The following ANKRD17 variants were observed in gnomAD, a reference collection of about 807,000 sequenced individuals.
ANKRD17 encodes the protein ankyrin repeat domain-containing protein 17.
Under a neutral mutation model 229.7 loss-of-function variants are expected in ANKRD17, and 19 were observed. The ratio of observed to expected loss-of-function variants is 0.08; its 90% CI spans 0.06 to 0.12. The LOEUF (loss-of-function observed/expected upper bound fraction) is 0.12. ANKRD17 is among the 10% of genes least tolerant of loss of function. The pLI is 1.00. For missense variants in ANKRD17, 2,176 were observed against 3,176.8 expected (o/e 0.68, Z 7.57); for synonymous variants, 1,112 against 1,146.1 (o/e 0.97, Z 0.60).
intron 1 of ANKRD17, among the ~76,000 whole-genome samples, chr4:73,231,279 G>A (rs777081165): frequency 1.3e-5 from 2 of 152,164 alleles, no homozygotes; most frequent in Admixed American, 6.5e-5. Flanking sequence ...ACAGTTCCAA[G>A]TAACTCAAGA....
At chr4:73,240,806 CTTTTTTTTT>C (rs111961579) in intron 1 of ANKRD17, among the ~76,000 whole-genome samples, 4 of 127,036 alleles carry the variant, frequency 3.1e-5, no homozygotes, top group Non-Finnish European at 5.0e-5. Flanking sequence ...AGTACTTATT[CTTTTTTTTT>C]TTTTTTTTTT....
chr4:73,094,001 G>A (rs961175872), intron 28 of ANKRD17, 78 bp downstream of exon 28: 138 of 1,388,430 alleles, frequency 9.9e-5, no homozygotes, highest in Non-Finnish European at 1.2e-4. Flanking sequence ...AAGTTCCACT[G>A]AAAACTCATA....
chr4:73,130,541 C>G (rs896376265), intron 16 of ANKRD17, among the ~76,000 whole-genome samples: 1 of 151,542 alleles, frequency 6.6e-6, no homozygotes, highest in Non-Finnish European at 1.5e-5. Flanking sequence ...TGATGTCTAC[C>G]CTTCTTTAAA....
Position 73,139,843 on chromosome 4 carries a change from C to T in ANKRD17, c.2773G>A (p.Asp925Asn), listed in dbSNP as rs2148812096. The change falls in exon 15 of 34, where the codon GAC becomes AAC. Residue 925 changes from aspartate to asparagine, a missense_variant. By Grantham distance (23) the Asp-to-Asn change is conservative. This residue lies in a region of ANKRD17 where 230 missense variants were observed against 252.3 expected (regional missense o/e 0.91). Coordinates refer to ENST00000358602, the MANE Select transcript of ANKRD17 (RefSeq NM_032217.5). Reference protein sequence around the residue: ...VGVGEQLSEGDYARLQQVDPV... With the variant: ...VGVGEQLSEGNYARLQQVDPV... ...TCCACTTGCTGTAACCGTGCATAGT[C>T]TCCCTCAGAAAGCTGCTCTCCAACT... The T allele has an allele frequency of 6.2e-7, 1 of 1,614,234 alleles. No homozygotes were observed. The highest frequency in any genetic ancestry group is 8.5e-7 in the Non-Finnish European group (1 of 1,180,040).
At chr4:73,105,255 C>T (rs1724475574) in intron 24 of ANKRD17, among the ~76,000 whole-genome samples, 1 of 151,922 alleles carries the variant, frequency 6.6e-6, no homozygotes, top group Non-Finnish European at 1.5e-5. Flanking sequence ...CATAAGTTTG[C>T]AGGCGGTAGC....
At chr4:73,125,643 GA>G (rs1429496222) in intron 16 of ANKRD17, among the ~76,000 whole-genome samples, 1 of 149,612 alleles carries the variant, frequency 6.7e-6, no homozygotes, top group African/African-American at 2.5e-5. Context: ...TGAGGCAGAA[GA>G]ATCGCTTGAA....
At chr4:73,171,517 C>T (rs1734041588) in intron 2 of ANKRD17, among the ~76,000 whole-genome samples, 1 of 152,178 alleles carries the variant, frequency 6.6e-6, no homozygotes, top group Non-Finnish European at 1.5e-5. Flanking sequence ...CACCAACAAA[C>T]ATCTGCAAGG....
intron 1 of ANKRD17, among the ~76,000 whole-genome samples, chr4:73,212,390 T>G (rs1332156990): frequency 6.6e-6 from 1 of 152,226 alleles, no homozygotes; most frequent in Non-Finnish European, 1.5e-5. Flanking sequence ...AAAAGATATA[T>G]TCTTCCATAA....
intron 16 of ANKRD17, among the ~76,000 whole-genome samples, chr4:73,129,447 T>C (rs895367996): frequency 1.6e-4 from 24 of 152,142 alleles, no homozygotes; most frequent in Admixed American, 4.6e-4. Context: ...GGAAATACGC[T>C]GGGTACAATG....
At position 73,121,651 on chromosome 4, in the gene ANKRD17, T is replaced by C; in HGVS notation, c.3601A>G (p.Ile1201Val). Reference sequence around the variant, plus strand: ...ATCTCAGCTCCTGCATTTAGTAATATTTTGATGATGTTCACATAGCCACCA... The same window carrying C: ...ATCTCAGCTCCTGCATTTAGTAATACTTTGATGATGTTCACATAGCCACCA... ...ASGGYVNIIK[I>V]LLNAGAEINS... The change falls in exon 19 of 34, where the codon ATA (isoleucine) becomes GTA (valine). Residue 1201 changes from isoleucine to valine, a missense_variant. By Grantham distance (29) the Ile-to-Val change is conservative (BLOSUM62 3). Transcript: ENST00000358602. 1 of 1,613,830 alleles carries C rather than the reference T, an allele frequency of 6.2e-7. No homozygotes were observed. Among genetic ancestry groups the C allele is most frequent in the Non-Finnish European group, 8.5e-7 (1 of 1,179,816 alleles).
rs2149300006 is a variant in ANKRD17, at chr4:73,258,440, T to G, written c.229A>C (p.Asn77His). The G allele has an allele frequency of 6.2e-7, 1 of 1,609,640 alleles. No individual in the cohort carries two copies. The highest frequency in any genetic ancestry group is 1.1e-5 in the South Asian group (1 of 90,924). ...PQQQHHKAKRNRTCRPPSSSE... is the reference protein window; with the variant it reads ...PQQQHHKAKRHRTCRPPSSSE... ...CTGCTGGGGGGTCGGCAAGTCCGGTTACGCTTGGCCTTGTGGTGCTGCTGC... is the reference window on the plus strand; with the variant it reads ...CTGCTGGGGGGTCGGCAAGTCCGGTGACGCTTGGCCTTGTGGTGCTGCTGC... Residue 77 changes from asparagine to histidine, a missense_variant, in exon 1 of 34, where the codon AAC (asparagine) becomes CAC (histidine). Physicochemically the swap from Asn to His is moderately conservative, Grantham distance 68. Coordinates refer to ENST00000358602, the MANE Select transcript of ANKRD17 (RefSeq NM_032217.5).
chr4:73,127,733 CATA>C (rs1560561036), intron 16 of ANKRD17, among the ~76,000 whole-genome samples: 3 of 152,218 alleles, frequency 2.0e-5, no homozygotes, highest in African/African-American at 7.2e-5. Context: ...TACTAATAAA[CATA>C]ATAAGCAAGG....
chr4:73,215,400 C>T (rs377496949), intron 1 of ANKRD17, among the ~76,000 whole-genome samples: 27 of 152,182 alleles, frequency 1.8e-4, no homozygotes, highest in African/African-American at 6.3e-4. Flanking sequence ...GCTGGGACTA[C>T]AGGCGCATGC....
chr4:73,100,652 A>G (rs1203805462), intron 25 of ANKRD17, among the ~76,000 whole-genome samples: 1 of 152,162 alleles, frequency 6.6e-6, no homozygotes, highest in East Asian at 1.9e-4. Context: ...GGGTGATTTC[A>G]CATGATATGT....
chr4:73,232,639 G>A (rs926237384), intron 1 of ANKRD17, among the ~76,000 whole-genome samples: 2 of 152,034 alleles, frequency 1.3e-5, no homozygotes, highest in East Asian at 1.9e-4. Flanking sequence ...GACAATTTCC[G>A]AAAATCACTT....
intron 24 of ANKRD17, among the ~76,000 whole-genome samples, chr4:73,112,019 G>A (rs1044829008): frequency 2.0e-5 from 3 of 152,266 alleles, no homozygotes; most frequent in African/African-American, 7.2e-5. Flanking sequence ...ACATCTAAGG[G>A]ACATTCATGG....
intron 2 of ANKRD17, among the ~76,000 whole-genome samples, chr4:73,176,348 G>T (rs564885817): frequency 1.3e-5 from 2 of 152,002 alleles, no homozygotes; most frequent in African/African-American, 4.8e-5. Flanking sequence ...ATATACTATT[G>T]GTGAGAATGT....
At position 73,222,700 on chromosome 4, in the gene ANKRD17, TTTA is replaced by T. The variant is rs1402761165; in HGVS notation, c.393+35573_393+35575del. Reference sequence around the variant, plus strand: ...AAAGGTCACCACCAGCACAAGGCTTTTTATTAAGCCTGAGTCTCCCCTTTTTCC... The same window carrying T: ...AAAGGTCACCACCAGCACAAGGCTTTTTAAGCCTGAGTCTCCCCTTTTTCC... On this transcript the variant is annotated intron_variant, in intron 1 of 33. Transcript: ENST00000358602. 3.8e-4 allele frequency among the ~76,000 whole-genome samples: 58 copies of T among 152,188 alleles called. 1 individual carries two copies. Among genetic ancestry groups the T allele is most frequent in the Admixed American group, 3.8e-3 (58 of 15,270 alleles).
rs542728918 is a variant in ANKRD17, at chr4:73,208,763, C to CA, written c.394-31231dup. On this transcript the variant is annotated intron_variant, in intron 1 of 33. Coordinates refer to ENST00000358602, the MANE Select transcript of ANKRD17 (RefSeq NM_032217.5). Reference sequence around the variant, plus strand: ...CAACATTTGTAGTATACAGCTAATGCAGTGCATAGAGGGAAACTTATAGTG... The same window carrying CA: ...CAACATTTGTAGTATACAGCTAATGCAAGTGCATAGAGGGAAACTTATAGTG... 1.9e-3 allele frequency among the ~76,000 whole-genome samples: 284 copies of CA among 152,202 alleles called. 1 individual carries two copies. The highest frequency in any genetic ancestry group is 6.6e-3 in the African/African-American group (272 of 41,512).
Sources: gnomAD v4.1 joint callset for allele counts (sites outside exome capture counted in the v4.1 genomes callset) on GRCh38, gnomAD v4.1.1 for gene constraint, gnomAD v4.1.1 regional missense constraint, MANE v1.5 for transcripts, NCBI Gene and HGNC (gene_info 2026-07-23, HGNC 2026-07-21) for gene names.